Variants in KCNQ1 observed in about 807,000 individuals in gnomAD.
KCNQ1 encodes potassium voltage-gated channel subfamily Q member 1, also known as potassium voltage-gated channel subfamily KQT member 1.
KCNQ1 carries 49 observed loss-of-function variants against 72.4 expected under a neutral mutation model. The observed-to-expected ratio is 0.68, with a 90% CI of 0.54 to 0.86. KCNQ1 has a LOEUF of 0.86. KCNQ1 is among the 40% of genes least tolerant of loss of function. The pLI is 0.00. For synonymous variants in KCNQ1, 450 were observed against 412.6 expected, an observed-to-expected ratio of 1.09 and a Z score of -1.10; for missense variants, 790 against 945.1, an observed-to-expected ratio of 0.84 and a Z score of 2.15.
At chr11:2,531,682 A>G (rs1337612067) in intron 2 of KCNQ1, among the ~76,000 whole-genome samples, 1 of 152,118 alleles carries the variant, frequency 6.6e-6, no homozygotes, top group African/African-American at 2.4e-5. Context: ...CCGTGGCCCC[A>G]AGCATAGAGC....
At chr11:2,572,209 G>C (rs573360167) in intron 5 of KCNQ1, 100 bp downstream of exon 5, 2 of 848,032 alleles carry the variant, frequency 2.4e-6, no homozygotes, top group African/African-American at 1.7e-5. Context: ...CTGAGGCCCC[G>C]GGGGCCGGTG....
At position 2,678,357 on chromosome 11, in the gene KCNQ1, T is replaced by G; in HGVS notation, c.1514+16276T>G. The G allele has an allele frequency of 2.5e-6, 1 of 398,604 alleles. No individual in the cohort carries two copies. The highest frequency in any genetic ancestry group is 4.4e-6 in the Non-Finnish European group (1 of 226,044). The allele number at this position is 398,604 out of a possible 1,614,324, so 24.7% of individuals were successfully genotyped here. A position where few individuals can be genotyped will look rare whatever the true frequency, so the allele number is the denominator to read the frequency against. Reference sequence around the variant, plus strand: ...TTAAATCCTTGCTTTATCGGGATTTTGACAGAGTAATTAAATCCAATTTGG... The same window carrying G: ...TTAAATCCTTGCTTTATCGGGATTTGGACAGAGTAATTAAATCCAATTTGG... On this transcript the variant is annotated intron_variant, in intron 11 of 15. Coordinates refer to ENST00000155840, the MANE Select transcript of KCNQ1 (RefSeq NM_000218.3). The surrounding 1 kb of genome is among the most constrained non-coding windows in gnomAD (Gnocchi z 4.9).
rs193145798 is a variant in KCNQ1, at chr11:2,642,613, C to T, written c.1394-19348C>T. 3.8e-5 allele frequency: 15 copies of T among 397,646 alleles called. No homozygotes were observed. The highest frequency in any genetic ancestry group is 2.6e-4 in the South Asian group (2 of 7,836). The allele number at this position is 397,646 out of a possible 1,614,324, so 24.6% of individuals were successfully genotyped here. ...GGTTATTTTGTTTCTTTTCAAAAAC[C>T]GATTTTGCATTTCATTGATCCTTTA... On this transcript the variant is annotated intron_variant, in intron 10 of 15. Transcript: ENST00000155840. This position sits in a 1 kb window ranked among gnomAD's most constrained non-coding sequence, Gnocchi z 4.3.
Position 2,486,485 on chromosome 11 carries a change from T to G in KCNQ1, c.386+41001T>G. Among the ~76,000 whole-genome samples the G allele has an allele frequency of 6.6e-6, 1 of 152,234 alleles. No homozygotes were observed. The highest frequency in any genetic ancestry group is 1.9e-4 in the East Asian group (1 of 5,204). Reference sequence around the variant, plus strand: ...CGTTGATAGTGTCTTTGTACAAAAATTTTTAATGTTCACGAAGTCCAAGTT... The same window carrying G: ...CGTTGATAGTGTCTTTGTACAAAAAGTTTTAATGTTCACGAAGTCCAAGTT... On this transcript the variant is annotated intron_variant, in intron 1 of 15. Transcript: ENST00000155840. The surrounding 1 kb of genome is among the most constrained non-coding windows in gnomAD (Gnocchi z 5.0).
At chr11:2,614,711 C>G (rs899101006) in intron 10 of KCNQ1, 2 of 398,418 alleles carry the variant, frequency 5.0e-6, no homozygotes, top group Admixed American at 4.4e-5. Flanking sequence ...TCTACATTCT[C>G]TATTATATTC....
intron 11 of KCNQ1, chr11:2,675,093 G>T: frequency 2.5e-6 from 1 of 398,620 alleles, no homozygotes; most frequent in South Asian, 1.3e-4. Context: ...GGCATGTCCT[G>T]AGTGGACAGA....
intron 10 of KCNQ1, chr11:2,609,985 A>G (rs1260613906): frequency 2.5e-6 from 1 of 397,864 alleles, no homozygotes. Flanking sequence ...GCCTTTGATT[A>G]GATTGTTTAA....
rs1428493909 is a variant in KCNQ1 at position 2,627,361 on chromosome 11, T to C, written c.1394-34600T>C. On this transcript the variant is annotated intron_variant, in intron 10 of 15. Coordinates refer to ENST00000155840, the MANE Select transcript of KCNQ1 (RefSeq NM_000218.3). The surrounding 1 kb of genome is among the most constrained non-coding windows in gnomAD (Gnocchi z 4.9). ...ATACTCTCTTAGCAAATTCCAAGTA[T>C]AGAATATATTAACTATAGTCACCAA... 1 of 398,518 alleles carries C rather than the reference T, an allele frequency of 2.5e-6. No homozygotes were observed. The highest frequency in any genetic ancestry group is 3.6e-5 in the East Asian group (1 of 28,046). 24.7% of individuals were successfully genotyped at this position (398,518 alleles called of 1,614,324 possible).
chr11:2,518,660 C>G (rs1005135), intron 1 of KCNQ1, among the ~76,000 whole-genome samples: 122,166 of 152,150 alleles, frequency 0.8, 49,285 homozygotes, highest in African/African-American at 0.88. Context: ...GCTGGCGGCT[C>G]TGTCTAACGG....
chr11:2,641,035 T>C (rs4930004), intron 10 of KCNQ1: 286,250 of 398,316 alleles, frequency 0.72, 104,269 homozygotes, highest in East Asian at 0.87. Context: ...ATTGTATATA[T>C]TTACCTCATT....
chr11:2,778,095 C>A (rs946893027), intron 15 of KCNQ1, 58 bp downstream of exon 15: 2 of 1,520,130 alleles, frequency 1.3e-6, no homozygotes, highest in Non-Finnish European at 1.8e-6. Flanking sequence ...CCAGCAGGCA[C>A]CTCCCTGTGG....
At chr11:2,836,780 C>T (rs781104693) in intron 15 of KCNQ1, among the ~76,000 whole-genome samples, 5 of 152,226 alleles carry the variant, frequency 3.3e-5, no homozygotes, top group South Asian at 2.1e-4. Flanking sequence ...GAACCAGGCA[C>T]GAGCTGCGTA....
chr11:2,786,581 CT>C (rs35260410), intron 15 of KCNQ1, among the ~76,000 whole-genome samples: 116 of 146,628 alleles, frequency 7.9e-4, no homozygotes, highest in South Asian at 3.4e-3. Flanking sequence ...ATCTCTTAAC[CT>C]TTTTTTTTTT....
Position 2,563,198 on chromosome 11 carries a change from G to A in KCNQ1, c.478-7430G>A, listed in dbSNP as rs886084197. On this transcript the variant is annotated intron_variant, in intron 2 of 15. Coordinates refer to ENST00000155840, the MANE Select transcript of KCNQ1 (RefSeq NM_000218.3). The surrounding 1 kb of genome is among the most constrained non-coding windows in gnomAD (Gnocchi z 7.4). ...ACACATTGAACCCCAGAAAATCTTCGCTATGTTGGAGATTCGCCGGCTGAT... is the reference window on the plus strand; with the variant it reads ...ACACATTGAACCCCAGAAAATCTTCACTATGTTGGAGATTCGCCGGCTGAT... 5.3e-5 allele frequency among the ~76,000 whole-genome samples: 8 copies of A among 152,100 alleles called. No individual in the cohort carries two copies. The highest frequency in any genetic ancestry group is 9.7e-5 in the African/African-American group (4 of 41,408).
chr11:2,615,916 G>A (rs1024717001), intron 10 of KCNQ1: 3 of 397,918 alleles, frequency 7.5e-6, no homozygotes, highest in African/African-American at 4.1e-5. Context: ...CTGTTTTTTG[G>A]AAGAGTTTGA....
At position 2,848,116 on chromosome 11, in the gene KCNQ1, A is replaced by G. The variant is rs1848376300; in HGVS notation, c.*113A>G. On this transcript the variant is annotated 3_prime_UTR_variant, in exon 16 of 16. Transcript: ENST00000155840. ...TAAAAGGCCCAGAGAGAAGAGCCCC[A>G]CTCTCAGAGGCCCCAATACCCCATG... 1 of 906,296 alleles carries G rather than the reference A, an allele frequency of 1.1e-6. No homozygotes were observed. Among genetic ancestry groups the G allele is most frequent in the Non-Finnish European group, 1.7e-6 (1 of 573,604 alleles). 56.1% of individuals were successfully genotyped at this position (906,296 alleles called of 1,614,324 possible).
rs577883335 is a variant in KCNQ1 at position 2,743,839 on chromosome 11, C to G, written c.1515-25005C>G. 1.8e-4 allele frequency among the ~76,000 whole-genome samples: 28 copies of G among 152,360 alleles called. No homozygotes were observed. In the South Asian group the frequency reaches 5.4e-3, roughly 29 times the overall value. On this transcript the variant is annotated intron_variant, in intron 11 of 15. Transcript: ENST00000155840. ...CGGACTGCCTCAGAAAGGAATCTCA[C>G]AGGCAGCGGGTTCTTCTGGTAGGGT...
intron 11 of KCNQ1, among the ~76,000 whole-genome samples, chr11:2,705,564 C>G (rs2133911667): frequency 6.6e-6 from 1 of 152,258 alleles, no homozygotes; most frequent in African/African-American, 2.4e-5. Flanking sequence ...GAGGCAGCTT[C>G]CTCCCACAAA....
At chr11:2,496,773 T>C (rs1028620742) in intron 1 of KCNQ1, among the ~76,000 whole-genome samples, 2 of 152,030 alleles carry the variant, frequency 1.3e-5, no homozygotes, top group African/African-American at 4.8e-5. Context: ...AGTTTCTTCA[T>C]AGTGTCATTG....
Sources: gnomAD v4.1 joint callset for allele counts (sites outside exome capture counted in the v4.1 genomes callset) on GRCh38, gnomAD v4.1.1 for gene constraint, Gnocchi (gnomAD v3.1) non-coding constraint, MANE v1.5 for transcripts, NCBI Gene and HGNC (gene_info 2026-07-23, HGNC 2026-07-21) for gene names.